The following ASAP3 variants were observed in gnomAD, a reference collection of about 807,000 sequenced individuals.
ASAP3 encodes the protein arf-GAP with SH3 domain, ANK repeat and PH domain-containing protein 3.
In ASAP3, 85 loss-of-function variants were observed where a neutral mutation model predicts 118.2. The observed-to-expected ratio is 0.72, with a 90% CI of 0.60 to 0.86. The LOEUF (loss-of-function observed/expected upper bound fraction) is 0.86, where lower values mean the gene tolerates loss of function less well. Ranked by LOEUF, ASAP3 falls within the 40% of genes least tolerant of loss-of-function variation. The pLI is 0.00. For synonymous variants in ASAP3, 432 were observed against 477.4 expected (o/e 0.90, Z 1.24); for missense variants, 1,026 against 1,175.0 (o/e 0.87, Z 1.85).
chr1:23,480,733 G>C (rs776064368), intron 1 of ASAP3, among the ~76,000 whole-genome samples: 9 of 152,166 alleles, frequency 5.9e-5, no homozygotes, highest in Non-Finnish European at 1.0e-4. Context: ...CAGAGTCAGA[G>C]AGACCCACTG....
intron 5 of ASAP3, among the ~76,000 whole-genome samples, chr1:23,445,044 A>G (rs909431975): frequency 2.7e-5 from 4 of 150,366 alleles, no homozygotes; most frequent in Non-Finnish European, 5.9e-5. Flanking sequence ...AAGAGTTTGT[A>G]AAGAGTGGTA....
chr1:23,455,388 G>A (rs1358663671), intron 3 of ASAP3, among the ~76,000 whole-genome samples: 1 of 152,214 alleles, frequency 6.6e-6, no homozygotes, highest in Non-Finnish European at 1.5e-5. Context: ...AGGCCACTGG[G>A]CCATGTACAG....
chr1:23,441,556 G>T, intron 8 of ASAP3, 83 bp from the exon 9 acceptor site: 1 of 1,596,876 alleles, frequency 6.3e-7, no homozygotes, highest in Non-Finnish European at 8.6e-7. Context: ...CAGAGCAGTA[G>T]CCTCACTCTG....
rs771013332 is a variant in ASAP3 at position 23,433,171 on chromosome 1, G to A, written c.2229C>T (p.Thr743=). Residue 743 remains threonine, a synonymous_variant, in exon 22 of 25, where the codon ACC becomes ACT. Coordinates refer to ENST00000336689, the MANE Select transcript of ASAP3 (RefSeq NM_017707.4). ...GACAGTCCTCACTCTCGCCCTGAGGGGTGGCTGCTCCCAGGCTGGCGACAG... is the reference window on the plus strand; with the variant it reads ...GACAGTCCTCACTCTCGCCCTGAGGAGTGGCTGCTCCCAGGCTGGCGACAG... The part of the protein sequence containing the change: ...YETVASLGAA[T]PQGESEDCPP... 6.2e-6 allele frequency: 10 copies of A among 1,614,024 alleles called. No individual in the cohort carries two copies. Among genetic ancestry groups the A allele is most frequent in the Non-Finnish European group, 8.5e-6 (10 of 1,180,032 alleles).
Position 23,436,929 on chromosome 1 carries a change from C to G in ASAP3, c.1458G>C (p.Leu486=). The G allele has an allele frequency of 6.2e-7, 1 of 1,612,140 alleles. No individual in the cohort carries two copies. Among genetic ancestry groups the G allele is most frequent in the South Asian group, 1.1e-5 (1 of 91,004 alleles). ...SRMQSLTLDL[L]GPSELLLALN... The stretch of plus-strand genomic sequence containing the variant: ...CCCTCACCAACAACTCGGAGGGGCC[C>G]AGCAGGTCCAAGGTGAGTGACTGCA... Residue 486 remains leucine, a synonymous_variant, in exon 15 of 25, where the codon CTG becomes CTC. Transcript: ENST00000336689. This position sits in a 1 kb window ranked among gnomAD's most constrained non-coding sequence, Gnocchi z 4.2.
At chr1:23,483,864 C>A in intron 1 of ASAP3, 141 bp downstream of exon 1, 3 of 941,832 alleles carry the variant, frequency 3.2e-6, no homozygotes, top group South Asian at 1.0e-4. Flanking sequence ...GTTGGAGATG[C>A]GCTCGGTCCT....
At chr1:23,474,654 G>A (rs1165387588) in intron 1 of ASAP3, among the ~76,000 whole-genome samples, 1 of 151,922 alleles carries the variant, frequency 6.6e-6, no homozygotes, top group African/African-American at 2.4e-5. Flanking sequence ...CGCAATCTCG[G>A]CTCACTGCAA....
intron 10 of ASAP3, among the ~76,000 whole-genome samples, chr1:23,439,816 T>G (rs1345611221): frequency 1.3e-5 from 2 of 152,136 alleles, no homozygotes; most frequent in Non-Finnish European, 2.9e-5. Flanking sequence ...TTTTGTTTTT[T>G]TGTTTTGTTT....
rs982776893 is a variant in ASAP3, at chr1:23,432,938, A to C, written c.2323+139T>G. 2.5e-5 allele frequency: 21 copies of C among 851,932 alleles called. No individual in the cohort carries two copies. In the African/African-American group the frequency reaches 2.6e-4, roughly 11 times the overall value. 52.8% of individuals were successfully genotyped at this position (851,932 alleles called of 1,614,324 possible). ...TAACACCTCTGTTCTTTTATCTGTAAGGGGAAGATGAGAACCCCTTCCTGG... is the reference window on the plus strand; with the variant it reads ...TAACACCTCTGTTCTTTTATCTGTACGGGGAAGATGAGAACCCCTTCCTGG... On this transcript the variant is annotated intron_variant, in intron 22 of 24. Transcript: ENST00000336689.
At chr1:23,442,740 TG>T in intron 5 of ASAP3, 128 bp from the exon 6 acceptor site, 3 of 1,386,864 alleles carry the variant, frequency 2.2e-6, no homozygotes, top group Non-Finnish European at 9.6e-7. Context: ...GTGGTGGGGC[TG>T]GGTACAATGA....
At chr1:23,453,263 G>A (rs551238738) in intron 3 of ASAP3, among the ~76,000 whole-genome samples, 1 of 152,306 alleles carries the variant, frequency 6.6e-6, no homozygotes, top group Non-Finnish European at 1.5e-5. Context: ...AATGGTCATA[G>A]AACCCCCTTT....
Position 23,431,873 on chromosome 1 carries a change from G to C in ASAP3, c.2369C>G (p.Pro790Arg). ...GGAGGCTGGACTGCCCAGGCTCTCA[G>C]GGGTCTCAGGGGCCTCTGAACTCAG... ...SSLSSEAPET[P>R]ESLGSPASSS... is the part of the protein sequence containing the mutation. The change falls in exon 23 of 25, where the codon CCT (proline) becomes CGT (arginine). Residue 790 changes from proline to arginine, a missense_variant. Physicochemically the swap from Pro to Arg is moderately radical, Grantham distance 103 (BLOSUM62 -2). Transcript: ENST00000336689. 1.9e-6 allele frequency: 3 copies of C among 1,604,732 alleles called. No homozygotes were observed. Among genetic ancestry groups the C allele is most frequent in the Non-Finnish European group, 2.5e-6 (3 of 1,177,212 alleles).
At chr1:23,455,625 C>A (rs1448527067) in intron 3 of ASAP3, among the ~76,000 whole-genome samples, 1 of 152,188 alleles carries the variant, frequency 6.6e-6, no homozygotes, top group African/African-American at 2.4e-5. Flanking sequence ...GGGCTCTTCC[C>A]TGCTGTGAGA....
At chr1:23,458,194 C>T (rs1224165790) in intron 1 of ASAP3, among the ~76,000 whole-genome samples, 3 of 152,214 alleles carry the variant, frequency 2.0e-5, no homozygotes, top group Non-Finnish European at 1.5e-5. Context: ...TTGGTTAAAA[C>T]ATGAGGCTGG....
At chr1:23,466,316 T>C (rs985339553) in intron 1 of ASAP3, among the ~76,000 whole-genome samples, 1 of 152,218 alleles carries the variant, frequency 6.6e-6, no homozygotes, top group African/African-American at 2.4e-5. Context: ...GCTATTTAGA[T>C]TTCATTCAAA....
intron 1 of ASAP3, among the ~76,000 whole-genome samples, chr1:23,462,708 G>A (rs1641635514): frequency 6.6e-6 from 1 of 152,106 alleles, no homozygotes; most frequent in African/African-American, 2.4e-5. Context: ...GCAGTGAGCT[G>A]AGATCACGCC....
At chr1:23,439,564 T>C (rs1401593021) in intron 10 of ASAP3, among the ~76,000 whole-genome samples, 1 of 152,160 alleles carries the variant, frequency 6.6e-6, no homozygotes, top group East Asian at 1.9e-4. Context: ...ATTAGGGAGC[T>C]CCTAGTCTGA....
intron 1 of ASAP3, among the ~76,000 whole-genome samples, chr1:23,476,419 G>C (rs145893229): frequency 4.3e-4 from 65 of 150,816 alleles, no homozygotes; most frequent in African/African-American, 1.5e-3. Flanking sequence ...GTACTCCATC[G>C]ACAAATCTTG....
chr1:23,442,673 C>G (rs1405336543), intron 5 of ASAP3, 61 bp from the exon 6 acceptor site: 1 of 1,572,104 alleles, frequency 6.4e-7, no homozygotes, highest in Non-Finnish European at 8.6e-7. Context: ...CCTCTTCTGC[C>G]AAGGATGCAT....
Sources: gnomAD v4.1 joint callset for allele counts (sites outside exome capture counted in the v4.1 genomes callset) on GRCh38, gnomAD v4.1.1 for gene constraint, Gnocchi (gnomAD v3.1) non-coding constraint, MANE v1.5 for transcripts, NCBI Gene and HGNC (gene_info 2026-07-23, HGNC 2026-07-21) for gene names.